Variants in PTAR1 observed in about 807,000 individuals in gnomAD.
The protein encoded by PTAR1 is protein prenyltransferase alpha subunit repeat containing 1, also known as protein prenyltransferase alpha subunit repeat-containing protein 1.
PTAR1 carries 17 observed loss-of-function variants against 45.5 expected under a neutral mutation model. The observed-to-expected ratio is 0.37, with a 90% confidence interval of 0.26 to 0.56. PTAR1 has a LOEUF of 0.56. Ranked by LOEUF, PTAR1 falls within the 20% of genes least tolerant of loss-of-function variation. The probability of loss-of-function intolerance (pLI) is 0.77; values close to 1 mark genes in which losing one functional copy is unlikely to be tolerated. For missense variants in PTAR1, 391 were observed against 476.3 expected (o/e 0.82, Z 1.67); for synonymous variants, 169 against 171.3 (o/e 0.99, Z 0.11).
chr9:69,742,672 G>A (rs1013023998), intron 2 of PTAR1, among the ~76,000 whole-genome samples: 10 of 152,038 alleles, frequency 6.6e-5, no homozygotes, highest in Non-Finnish European at 1.3e-4. Flanking sequence ...AAAATAGACT[G>A]TATCTATTTA....
chr9:69,751,696 G>C (rs961845624), intron 1 of PTAR1, among the ~76,000 whole-genome samples: 3 of 151,862 alleles, frequency 2.0e-5, no homozygotes, highest in Non-Finnish European at 2.9e-5. Flanking sequence ...CAGAAACAAA[G>C]TATCAAAAAA....
rs955704381 is a variant in PTAR1 at position 69,717,087 on chromosome 9, T to C, written c.*1255A>G. ...TTGGAAACATAAGATACGGCTATAA[T>C]GTGGATACTTTGGTACCTCATCCCT... On this transcript the variant is annotated 3_prime_UTR_variant, in exon 8 of 8. Transcript: ENST00000340434. The C allele has an allele frequency of 2.0e-5, 3 of 152,186 alleles. No homozygotes were observed. Among genetic ancestry groups the C allele is most frequent in the Non-Finnish European group, 4.4e-5 (3 of 68,024 alleles). 9.4% of individuals were successfully genotyped at this position (152,186 alleles called of 1,614,324 possible). A position where few individuals can be genotyped will look rare whatever the true frequency, so the allele number is the denominator to read the frequency against.
At chr9:69,756,942 T>A (rs897323923) in intron 1 of PTAR1, among the ~76,000 whole-genome samples, 2 of 152,214 alleles carry the variant, frequency 1.3e-5, no homozygotes, top group Non-Finnish European at 2.9e-5. Flanking sequence ...ATGTGGTCCC[T>A]GTTCATATTA....
At chr9:69,752,669 A>G (rs772795683) in intron 1 of PTAR1, among the ~76,000 whole-genome samples, 3 of 152,222 alleles carry the variant, frequency 2.0e-5, no homozygotes, top group Non-Finnish European at 2.9e-5. Flanking sequence ...TCAAAGAGCT[A>G]AAGTCTTGCT....
intron 6 of PTAR1, among the ~76,000 whole-genome samples, chr9:69,722,645 A>C (rs533100152): frequency 5.6e-5 from 8 of 143,576 alleles, no homozygotes; most frequent in African/African-American, 2.2e-4. Context: ...CTAGGGGGGA[A>C]AAAAAAAAAA....
rs768327920 is a variant in PTAR1 at position 69,734,124 on chromosome 9, AGTACTATGTT to A, written c.428+16_428+25del. The A allele has an allele frequency of 8.5e-7, 1 of 1,182,024 alleles. No homozygotes were observed. The highest frequency in any genetic ancestry group is 1.3e-6 in the Non-Finnish European group (1 of 788,658). The allele number at this position is 1,182,024 out of a possible 1,614,324, so 73.2% of individuals were successfully genotyped here. On this transcript the variant is annotated intron_variant, in intron 4 of 7. Transcript: ENST00000340434. ...CCAGCCAGTCTGAATCCTAAGTAAG[AGTACTATGTT>A]GTAAATTAACCACACCTGTGAATCC...
At position 69,729,202 on chromosome 9, in the gene PTAR1, C is replaced by T. The variant is rs150801118; in HGVS notation, c.642+2937G>A. On this transcript the variant is annotated intron_variant, in intron 5 of 7. Coordinates refer to ENST00000340434, the MANE Select transcript of PTAR1 (RefSeq NM_001099666.2). ...GGGCGTGGTAGTGGGTGCCTGTAAT[C>T]CCAGCTACTTGGGAGGCTGAGGCAG... Among the ~76,000 whole-genome samples, 1,090 of 152,182 alleles carry T rather than the reference C, an allele frequency of 7.2e-3. 8 individuals carry two copies. The highest frequency in any genetic ancestry group is 0.012 in the Non-Finnish European group (787 of 68,012).
intron 5 of PTAR1, among the ~76,000 whole-genome samples, chr9:69,724,890 CAG>C (rs1465718787): frequency 6.6e-6 from 1 of 152,154 alleles, no homozygotes; most frequent in Non-Finnish European, 1.5e-5. Flanking sequence ...CAAGTTGTAT[CAG>C]TGATATGTTT....
At position 69,718,471 on chromosome 9, in the gene PTAR1, T is replaced by C. The variant is rs781584107; in HGVS notation, c.1080A>G (p.Pro360=). 6.2e-7 allele frequency: 1 copy of C among 1,613,774 alleles called. No homozygotes were observed. The highest frequency in any genetic ancestry group is 1.1e-5 in the South Asian group (1 of 91,076). Residue 360 remains proline (P), a synonymous_variant, in exon 8 of 8, where the codon CCA becomes CCG. Coordinates refer to ENST00000340434, the MANE Select transcript of PTAR1 (RefSeq NM_001099666.2). ...TTTCTAGGCCTAGGGAGTCTGGAACTGGCGTCCGCTTCAGGCGTTTGGTTT... is the reference window on the plus strand; with the variant it reads ...TTTCTAGGCCTAGGGAGTCTGGAACCGGCGTCCGCTTCAGGCGTTTGGTTT... The part of the protein sequence containing the change: ...SQETKRLKRT[P]VPDSLGLEME...
rs912972116 is a variant in PTAR1, at chr9:69,714,411, T to A, written c.*3931A>T. On this transcript the variant is annotated 3_prime_UTR_variant, in exon 8 of 8. Transcript: ENST00000340434. ...TAACTCAGGGGAACTAAGGTAGGGA[T>A]TATTAGATTGTTGTACAGTAGGTGG... 2 of 152,080 alleles carry A rather than the reference T, an allele frequency of 1.3e-5. No homozygotes were observed. The highest frequency in any genetic ancestry group is 2.9e-5 in the Non-Finnish European group (2 of 67,992). The allele number at this position is 152,080 out of a possible 1,614,324, so 9.4% of individuals were successfully genotyped here.
At chr9:69,724,749 A>G (rs1170511467) in intron 5 of PTAR1, among the ~76,000 whole-genome samples, 1 of 152,210 alleles carries the variant, frequency 6.6e-6, no homozygotes, top group Non-Finnish European at 1.5e-5. Context: ...TAAGATATTT[A>G]TTCATTCCTA....
chr9:69,755,644 A>ACC (rs112533462), intron 1 of PTAR1, among the ~76,000 whole-genome samples: 118 of 151,970 alleles, frequency 7.8e-4, no homozygotes, highest in Non-Finnish European at 1.5e-3. Context: ...TTCTGCTCCC[A>ACC]CCCCCCAAAA....
At chr9:69,734,670 G>T (rs1350336692) in intron 3 of PTAR1, among the ~76,000 whole-genome samples, 1 of 151,874 alleles carries the variant, frequency 6.6e-6, no homozygotes, top group East Asian at 1.9e-4. Flanking sequence ...GACTTGACAT[G>T]GTCTATTTCA....
intron 5 of PTAR1, among the ~76,000 whole-genome samples, chr9:69,724,898 T>C (rs952501473): frequency 1.3e-5 from 2 of 152,242 alleles, no homozygotes; most frequent in African/African-American, 4.8e-5. Flanking sequence ...ATCAGTGATA[T>C]GTTTTAAACA....
Position 69,717,761 on chromosome 9 carries a change from G to C in PTAR1, c.*581C>G, listed in dbSNP as rs1374086065. The C allele has an allele frequency of 6.6e-6, 1 of 152,224 alleles. No homozygotes were observed. The highest frequency in any genetic ancestry group is 6.6e-5 in the Admixed American group (1 of 15,264). 9.4% of individuals were successfully genotyped at this position (152,224 alleles called of 1,614,324 possible). A position where few individuals can be genotyped will look rare whatever the true frequency, so the allele number is the denominator to read the frequency against. On this transcript the variant is annotated 3_prime_UTR_variant, in exon 8 of 8. Transcript: ENST00000340434. ...GGGTCTCAACTCTATTGCCCAGGCT[G>C]AGTACAGTGGTGCAATCATGGCTCA... is the stretch of plus-strand genomic sequence containing the variant.
chr9:69,751,656 A>ATGCT (rs1358532383), intron 1 of PTAR1, among the ~76,000 whole-genome samples: 2 of 152,046 alleles, frequency 1.3e-5, no homozygotes, highest in Non-Finnish European at 2.9e-5. Context: ...AAATGTGTTT[A>ATGCT]TGCTTGCTTG....
Position 69,732,206 on chromosome 9 carries a change from G to C in PTAR1, c.575C>G (p.Pro192Arg), listed in dbSNP as rs751815682. The C allele has an allele frequency of 1.2e-6, 2 of 1,613,796 alleles. No individual in the cohort carries two copies. The highest frequency in any genetic ancestry group is 1.7e-6 in the Non-Finnish European group (2 of 1,179,828). ...ATGGGACCAAGCATTATAGTTGCTT[G>C]GGTATCTCCCTGCTGCTTCACCACA... ...EVCGEAAGRY[P>R]SNYNAWSHRI... is the part of the protein sequence containing the mutation. The change falls in exon 5 of 8, where the codon CCA becomes CGA. Residue 192 changes from proline to arginine, a missense_variant. Transcript: ENST00000340434.
intron 3 of PTAR1, 40 bp downstream of exon 3, chr9:69,741,752 T>C (rs777327862): frequency 6.4e-6 from 9 of 1,398,356 alleles, no homozygotes; most frequent in South Asian, 2.5e-5. Context: ...CTTCAGAAAT[T>C]TGGACAAACT....
At chr9:69,724,801 GATAC>G (rs78881825) in intron 5 of PTAR1, among the ~76,000 whole-genome samples, 3 of 152,032 alleles carry the variant, frequency 2.0e-5, no homozygotes, top group Non-Finnish European at 2.9e-5. Flanking sequence ...CATCAAAGTG[GATAC>G]ATAAATATTT....
Sources: allele counts gnomAD v4.1 joint callset (sites outside exome capture counted in the v4.1 genomes callset), GRCh38; gene constraint gnomAD v4.1.1; transcripts MANE v1.5; gene names NCBI Gene and HGNC (gene_info 2026-07-23, HGNC 2026-07-21).